The following PCDHA1 variants were observed in gnomAD, a reference collection of about 807,000 sequenced individuals.
PCDHA1 encodes protocadherin alpha 1.
A neutral mutation model predicts 61.3 loss-of-function variants in PCDHA1; 42 were observed. The observed-to-expected ratio is 0.69, with a 90% confidence interval of 0.54 to 0.89. The LOEUF (loss-of-function observed/expected upper bound fraction) is 0.89, where lower values mean the gene tolerates loss of function less well. PCDHA1 is among the 40% of genes least tolerant of loss of function. The pLI, the probability that PCDHA1 is intolerant of heterozygous loss-of-function variation, is 0.00. For missense variants in PCDHA1, 1,256 were observed against 1,235.3 expected, an observed-to-expected ratio of 1.02 and a Z score of -0.25; for synonymous variants, 610 against 553.8, an observed-to-expected ratio of 1.10 and a Z score of -1.43.
chr5:140,982,708 C>G (rs550422492), intron 3 of PCDHA1, 145 bp downstream of exon 3: 1 of 1,373,770 alleles, frequency 7.3e-7, no homozygotes, highest in African/African-American at 1.5e-5. Flanking sequence ...GATTTCCTTA[C>G]ATATATGATT....
intron 1 of PCDHA1, chr5:140,796,581 T>C (rs782482338): frequency 5.6e-6 from 9 of 1,612,834 alleles, no homozygotes; most frequent in Non-Finnish European, 7.6e-6. Flanking sequence ...GCGCGCGGGA[T>C]GCGGGCGTGC....
chr5:140,813,134 T>C (rs2126644012), intron 1 of PCDHA1: 6,324 of 152,306 alleles, frequency 0.042, 178 homozygotes, highest in Middle Eastern at 0.061. Flanking sequence ...TGGAATTTTC[T>C]GTATATGTCT....
At chr5:140,814,360 C>T (rs1194896728) in intron 1 of PCDHA1, 2 of 151,764 alleles carry the variant, frequency 1.3e-5, no homozygotes, top group Non-Finnish European at 1.5e-5. Flanking sequence ...GTTACACATG[C>T]GATGCTATCA....
chr5:140,825,429 A>G (rs1291872136), intron 1 of PCDHA1: 2 of 147,480 alleles, frequency 1.4e-5, no homozygotes, highest in Non-Finnish European at 3.0e-5. Context: ...TATATAATAA[A>G]TATATAATAA....
intron 1 of PCDHA1, chr5:140,797,354 T>A (rs1762215687): frequency 6.2e-7 from 1 of 1,613,156 alleles, no homozygotes; most frequent in East Asian, 2.2e-5. Context: ...GTAGGAAAGG[T>A]GAGTCTTTTA....
intron 1 of PCDHA1, chr5:140,805,700 A>G (rs1420988180): frequency 1.5e-5 from 10 of 648,162 alleles, no homozygotes; most frequent in Non-Finnish European, 1.9e-5. Flanking sequence ...ATTACCAAGA[A>G]TTAGAATAAA....
At chr5:140,803,309 C>T in intron 1 of PCDHA1, 1 of 1,614,164 alleles carries the variant, frequency 6.2e-7, no homozygotes, top group Non-Finnish European at 8.5e-7. Context: ...TCGTCGCCAT[C>T]TGCGCGGTGT....
At chr5:140,796,650 G>T (rs527830690) in intron 1 of PCDHA1, 26 of 1,613,682 alleles carry the variant, frequency 1.6e-5, no homozygotes, top group Non-Finnish European at 2.0e-5. Flanking sequence ...ACGACAACGC[G>T]CCGGCACTGT....
intron 1 of PCDHA1, chr5:140,805,360 G>C: frequency 8.5e-7 from 1 of 1,180,458 alleles, no homozygotes; most frequent in Non-Finnish European, 1.0e-6. Flanking sequence ...ATATAGTTTG[G>C]GTCCCCACAT....
intron 3 of PCDHA1, among the ~76,000 whole-genome samples, chr5:141,007,425 A>G (rs369535619): frequency 6.6e-4 from 98 of 148,834 alleles, no homozygotes; most frequent in African/African-American, 2.3e-3. Context: ...AAAATTAGCC[A>G]GGCATGGTGG....
At chr5:140,848,091 A>C (rs1781318033) in intron 1 of PCDHA1, 1 of 168,880 alleles carries the variant, frequency 5.9e-6, no homozygotes, top group South Asian at 1.5e-4. Context: ...TTAAGTGGAG[A>C]GTTTTCTCAG....
At chr5:140,867,147 C>G (rs1554160998) in intron 1 of PCDHA1, 1 of 152,068 alleles carries the variant, frequency 6.6e-6, no homozygotes, top group Non-Finnish European at 1.5e-5. Flanking sequence ...TATCATTTTT[C>G]CAGAGTAAAC....
chr5:140,791,700 G>A (rs1761672417), intron 1 of PCDHA1, among the ~76,000 whole-genome samples: 1 of 152,166 alleles, frequency 6.6e-6, no homozygotes, highest in Non-Finnish European at 1.5e-5. Flanking sequence ...AAAATCTACT[G>A]TGTTTTGATT....
At chr5:140,829,112 T>A (rs2150162678) in intron 1 of PCDHA1, 31 of 1,612,052 alleles carry the variant, frequency 1.9e-5, no homozygotes, top group Non-Finnish European at 1.7e-6. Context: ...AGTGAGAATT[T>A]TGGATAAAAA....
intron 1 of PCDHA1, among the ~76,000 whole-genome samples, chr5:140,899,774 C>T (rs966615256): frequency 3.9e-5 from 6 of 152,122 alleles, no homozygotes; most frequent in African/African-American, 1.4e-4. Context: ...CCTCCTTTTA[C>T]CTCTGGTATA....
chr5:140,795,399 A>G, intron 1 of PCDHA1: 4 of 1,614,204 alleles, frequency 2.5e-6, no homozygotes, highest in Non-Finnish European at 2.5e-6. Context: ...TTCCCGAATC[A>G]AGGCTGCTTG....
At chr5:140,957,080 A>G (rs2095331610) in intron 1 of PCDHA1, among the ~76,000 whole-genome samples, 1 of 152,174 alleles carries the variant, frequency 6.6e-6, no homozygotes. Flanking sequence ...CTTTTTATTA[A>G]GGAAAATGAA....
chr5:140,991,719 A>T (rs1451245400), intron 3 of PCDHA1, among the ~76,000 whole-genome samples: 1 of 152,194 alleles, frequency 6.6e-6, no homozygotes, highest in African/African-American at 2.4e-5. Flanking sequence ...TGCTACTAGC[A>T]GCCTGTTCAA....
intron 1 of PCDHA1, chr5:140,877,431 C>A: frequency 1.2e-6 from 2 of 1,613,836 alleles, no homozygotes; most frequent in Non-Finnish European, 1.7e-6. Flanking sequence ...TGGTGAAGGA[C>A]CACGGTGAGC....
Sources: gnomAD v4.1 joint callset for allele counts (sites outside exome capture counted in the v4.1 genomes callset) on GRCh38, gnomAD v4.1.1 for gene constraint, MANE v1.5 for transcripts, NCBI Gene and HGNC (gene_info 2026-07-23, HGNC 2026-07-21) for gene names.